Variants in DESI1 observed in about 807,000 individuals in gnomAD.
DESI1 encodes the protein desumoylating isopeptidase 1.
A neutral mutation model predicts 22.4 loss-of-function variants in DESI1; 17 were observed. The observed-to-expected ratio is 0.76, with a 90% CI of 0.52 to 1.14. The LOEUF is 1.14. Ranked by LOEUF, DESI1 falls within the 50% of genes most tolerant of loss-of-function variation. DESI1 has a pLI of 0.00. For missense variants in DESI1, 177 were observed against 208.9 expected, an observed-to-expected ratio of 0.85 and a Z score of 0.94; for synonymous variants, 92 against 84.2, an observed-to-expected ratio of 1.09 and a Z score of -0.51.
chr22:41,598,406 T>C lies in DESI1; in HGVS notation c.*2691A>G, dbSNP rs927573024. The C allele has an allele frequency of 6.6e-6, 1 of 152,196 alleles. No homozygotes were observed. The highest frequency in any genetic ancestry group is 2.1e-4 in the South Asian group (1 of 4,818). 9.4% of individuals were successfully genotyped at this position (152,196 alleles called of 1,614,324 possible). On this transcript the variant is annotated 3_prime_UTR_variant, in exon 6 of 6. Transcript: ENST00000263256. ...ACAGTTAGTGACAGTGGGGCTCCCA[T>C]TGGGAGGGAGAGCTTGCCTTCCCAT...
At chr22:41,609,661 G>A (rs1017495001) in intron 1 of DESI1, among the ~76,000 whole-genome samples, 1 of 151,914 alleles carries the variant, frequency 6.6e-6, no homozygotes, top group African/African-American at 2.4e-5. Flanking sequence ...CTCTGGGTGT[G>A]GTGGCATGCA....
chr22:41,607,277 G>C lies in DESI1; in HGVS notation c.165C>G (p.Ile55Met). 1.9e-6 allele frequency: 3 copies of C among 1,611,448 alleles called. No homozygotes were observed. Among genetic ancestry groups the C allele is most frequent in the Non-Finnish European group, 2.5e-6 (3 of 1,178,706 alleles). The part of the protein sequence containing the change: ...KDEFFFGSGG[I>M]SSCPPGGTLL... ...AGACACTCACCGGGGGGCAGCTGGAGATACCACCACTGCCGAAGAAGAACT... is the reference window on the plus strand; with the variant it reads ...AGACACTCACCGGGGGGCAGCTGGACATACCACCACTGCCGAAGAAGAACT... Residue 55 changes from isoleucine (I) to methionine (M), a missense_variant, in exon 3 of 6, where the codon ATC (isoleucine) becomes ATG (methionine). Ile to Met is a conservative substitution (Grantham distance 10, BLOSUM62 1). Coordinates refer to ENST00000263256, the MANE Select transcript of DESI1 (RefSeq NM_015704.3).
chr22:41,612,744 C>T (rs576392951), intron 1 of DESI1, among the ~76,000 whole-genome samples: 2 of 151,258 alleles, frequency 1.3e-5, no homozygotes, highest in South Asian at 4.2e-4. Flanking sequence ...ATATGTGTAC[C>T]ACCCAGGCCT....
chr22:41,611,333 A>C (rs1034137745), intron 1 of DESI1, among the ~76,000 whole-genome samples: 1 of 152,078 alleles, frequency 6.6e-6, no homozygotes, highest in Non-Finnish European at 1.5e-5. Flanking sequence ...GGGTTTCACC[A>C]TGTTGCCCAG....
chr22:41,616,175 G>A (rs535002343), intron 1 of DESI1, among the ~76,000 whole-genome samples: 7 of 152,204 alleles, frequency 4.6e-5, no homozygotes, highest in East Asian at 1.9e-4. Context: ...CCCAGGAGGC[G>A]GAGGTTGCAG....
Position 41,606,773 on chromosome 22 carries a change from C to CAA in DESI1, c.180+487_180+488dup, listed in dbSNP as rs67262006. Among the ~76,000 whole-genome samples, 52 of 62,726 alleles carry CAA rather than the reference C, an allele frequency of 8.3e-4. 3 individuals are homozygous for CAA. The highest frequency in any genetic ancestry group is 2.4e-3 in the African/African-American group (34 of 14,210). 41.2% of individuals were successfully genotyped at this position (62,726 alleles called of 152,430 possible). A position where few individuals can be genotyped will look rare whatever the true frequency, so the allele number is the denominator to read the frequency against. ...TGGGCGACGGAGCGAGACTCCATCT[C>CAA]AAAAAAAAAAAAAAAAAAAAAAAAA... On this transcript the variant is annotated intron_variant, in intron 3 of 5. Transcript: ENST00000263256.
At chr22:41,609,147 G>A (rs1242754671) in intron 1 of DESI1, among the ~76,000 whole-genome samples, 7 of 152,094 alleles carry the variant, frequency 4.6e-5, no homozygotes, top group African/African-American at 1.4e-4. Flanking sequence ...TTGCCATGTC[G>A]GCCAGGCTGG....
At chr22:41,616,219 G>C (rs919056301) in intron 1 of DESI1, among the ~76,000 whole-genome samples, 1 of 152,122 alleles carries the variant, frequency 6.6e-6, no homozygotes, top group Admixed American at 6.6e-5. Flanking sequence ...CTCCAGCCTG[G>C]GCAACAAGAG....
rs2067588124 is a variant in DESI1, at chr22:41,620,828, C to T, written c.12G>A (p.Pro4=). The T allele has an allele frequency of 6.2e-7, 1 of 1,610,010 alleles. No homozygotes were observed. The change falls in exon 1 of 6, where the codon CCG becomes CCA. Residue 4 remains proline, a synonymous_variant. Transcript: ENST00000263256. ...CGTAGAGCTTCACCGGATAGAGATT[C>T]GGCGGCTCCATTGGGACCCGTGGCG... MEP[P]NLYPVKLYVY...
chr22:41,603,509 C>T, intron 4 of DESI1, 128 bp from the exon 5 acceptor site: 1 of 1,432,222 alleles, frequency 7.0e-7, no homozygotes. Context: ...CCGTCTCATA[C>T]ACCAGAAAAG....
chr22:41,613,129 T>G (rs185744548), intron 1 of DESI1, among the ~76,000 whole-genome samples: 1 of 152,220 alleles, frequency 6.6e-6, no homozygotes, highest in Admixed American at 6.5e-5. Context: ...AGTCCCTCAG[T>G]TCCACTAACC....
intron 1 of DESI1, among the ~76,000 whole-genome samples, chr22:41,614,884 CTTG>C (rs1178749872): frequency 6.7e-6 from 1 of 148,346 alleles, no homozygotes; most frequent in Non-Finnish European, 1.5e-5. Flanking sequence ...CTCACCCCAC[CTTG>C]TTTTCTTCTT....
intron 1 of DESI1, among the ~76,000 whole-genome samples, chr22:41,608,108 T>C (rs2067493578): frequency 6.6e-6 from 1 of 152,244 alleles, no homozygotes; most frequent in Non-Finnish European, 1.5e-5. Flanking sequence ...ACCCCAGTTT[T>C]ATGTCTGCTA....
chr22:41,603,363 G>T lies in DESI1; in HGVS notation c.309C>A (p.Leu103=), dbSNP rs2067460238. ...ESLFRGEAYN[L]FEHNCNTFSN... The stretch of plus-strand genomic sequence containing the variant: ...TGAAGGTGTTACAATTGTGTTCAAA[G>T]AGGTTGTAGGCCTCACCTCTGTACA... The change falls in exon 5 of 6, where the codon CTC becomes CTA. Residue 103 remains leucine, a synonymous_variant. Coordinates refer to ENST00000263256, the MANE Select transcript of DESI1 (RefSeq NM_015704.3). The T allele has an allele frequency of 6.2e-7, 1 of 1,614,118 alleles. No homozygotes were observed. The highest frequency in any genetic ancestry group is 1.3e-5 in the African/African-American group (1 of 74,944).
chr22:41,606,517 T>TA (rs1342613980), intron 3 of DESI1, among the ~76,000 whole-genome samples: 2 of 152,094 alleles, frequency 1.3e-5, no homozygotes, highest in African/African-American at 4.8e-5. Flanking sequence ...CTCACGCCTG[T>TA]AATCCCAGCA....
intron 5 of DESI1, chr22:41,602,815 C>T (rs1189608883): frequency 1.4e-5 from 15 of 1,038,220 alleles, no homozygotes; most frequent in South Asian, 6.9e-5. Flanking sequence ...AGAACATAGT[C>T]GTTGAGGGAG....
At chr22:41,611,591 CTTTTTT>C (rs132764) in intron 1 of DESI1, among the ~76,000 whole-genome samples, 9 of 103,888 alleles carry the variant, frequency 8.7e-5, no homozygotes, top group Non-Finnish European at 1.2e-4. Flanking sequence ...CCTGTTCCTT[CTTTTTT>C]TTTTTTTTTT....
chr22:41,607,179 C>T, intron 3 of DESI1, 83 bp downstream of exon 3: 1 of 1,336,472 alleles, frequency 7.5e-7, no homozygotes, highest in African/African-American at 1.5e-5. Context: ...TGCCAGAAGT[C>T]CATAGTAGAA....
In DESI1 at chr22:41,620,917, G is replaced by T; in HGVS notation, c.-78C>A. The T allele has an allele frequency of 1.3e-6, 2 of 1,506,022 alleles. No homozygotes were observed. The highest frequency in any genetic ancestry group is 1.8e-6 in the Non-Finnish European group (2 of 1,107,026). The allele number at this position is 1,506,022 out of a possible 1,614,324, so 93.3% of individuals were successfully genotyped here. On this transcript the variant is annotated 5_prime_UTR_variant, in exon 1 of 6. Transcript: ENST00000263256. Reference sequence around the variant, plus strand: ...TTGGACCTTCCCGTACCCGACGGGAGTGCGAAGCGGAGGGAGAGGGGGGGA... The same window carrying T: ...TTGGACCTTCCCGTACCCGACGGGATTGCGAAGCGGAGGGAGAGGGGGGGA...
Sources: gnomAD v4.1 joint callset for allele counts (sites outside exome capture counted in the v4.1 genomes callset) on GRCh38, gnomAD v4.1.1 for gene constraint, MANE v1.5 for transcripts, NCBI Gene and HGNC (gene_info 2026-07-23, HGNC 2026-07-21) for gene names.